The following PTPRG variants were observed in gnomAD, a reference collection of about 807,000 sequenced individuals.
PTPRG encodes receptor-type tyrosine-protein phosphatase gamma.
Under a neutral mutation model 165.3 loss-of-function variants are expected in PTPRG, and 102 were observed. The observed-to-expected ratio is 0.62, with a 90% confidence interval of 0.53 to 0.73. PTPRG has a LOEUF of 0.73. Ranked by LOEUF, PTPRG falls within the 30% of genes least tolerant of loss-of-function variation. PTPRG has a pLI of 0.00. For missense variants in PTPRG, 1,866 were observed against 1,861.4 expected, an observed-to-expected ratio of 1.00 and a Z score of -0.05; for synonymous variants, 675 against 669.5, an observed-to-expected ratio of 1.01 and a Z score of -0.13.
At chr3:62,189,221 G>A (rs1400080198) in intron 8 of PTPRG, among the ~76,000 whole-genome samples, 2 of 151,968 alleles carry the variant, frequency 1.3e-5, no homozygotes, top group African/African-American at 4.8e-5. Flanking sequence ...CGTTTCTGTC[G>A]CACTAAGTGA....
chr3:62,160,315 C>G (rs1704700582), intron 7 of PTPRG, among the ~76,000 whole-genome samples: 1 of 152,238 alleles, frequency 6.6e-6, no homozygotes, highest in African/African-American at 2.4e-5. Flanking sequence ...GTTGGGCATT[C>G]AAGTCAGCCC....
intron 4 of PTPRG, among the ~76,000 whole-genome samples, chr3:62,008,400 G>C (rs546159631): frequency 6.6e-6 from 1 of 152,316 alleles, no homozygotes; most frequent in Admixed American, 6.5e-5. Context: ...AAGCTTAAAT[G>C]ATCCAAATTG....
intron 1 of PTPRG, among the ~76,000 whole-genome samples, chr3:61,694,025 A>AAAAGAGAG (rs1553650991): frequency 1.1e-4 from 16 of 145,940 alleles, no homozygotes; most frequent in African/African-American, 4.1e-4. Flanking sequence ...AAAAAAAAAA[A>AAAAGAGAG]AGAGAGAGAG....
intron 1 of PTPRG, among the ~76,000 whole-genome samples, chr3:61,708,679 G>T (rs542982836): frequency 1.3e-5 from 2 of 151,618 alleles, no homozygotes; most frequent in Non-Finnish European, 2.9e-5. Context: ...GGATGGTCTC[G>T]ATCTCCTGAC....
At chr3:61,961,692 A>G (rs2040156511) in intron 2 of PTPRG, among the ~76,000 whole-genome samples, 1 of 152,230 alleles carries the variant, frequency 6.6e-6, no homozygotes, top group Non-Finnish European at 1.5e-5. Context: ...AGTCTCAACC[A>G]GACACTAGAA....
At chr3:61,888,783 G>T (rs1029271043) in intron 2 of PTPRG, among the ~76,000 whole-genome samples, 4 of 152,152 alleles carry the variant, frequency 2.6e-5, no homozygotes, top group Non-Finnish European at 5.9e-5. Flanking sequence ...TCCCAAGCCA[G>T]ATCATACATT....
chr3:61,579,983 TCA>T (rs1194081238), intron 1 of PTPRG, among the ~76,000 whole-genome samples: 2 of 152,054 alleles, frequency 1.3e-5, no homozygotes, highest in East Asian at 1.9e-4. Context: ...TTTTAAAAAA[TCA>T]CACATCAACC....
intron 2 of PTPRG, among the ~76,000 whole-genome samples, chr3:61,871,843 C>G (rs1380731943): frequency 6.6e-6 from 1 of 152,124 alleles, no homozygotes; most frequent in African/African-American, 2.4e-5. Context: ...ATCAGTTGCT[C>G]CCTCTCTCTT....
rs1702252312 is a variant in PTPRG at position 62,276,983 on chromosome 3, C to T, written c.3571C>T (p.Arg1191Ter). The change falls in exon 25 of 30, where the codon CGA becomes TGA. Residue 1191 changes from arginine to a stop codon, truncating the protein, a stop_gained. Transcript: ENST00000474889. LOFTEE classifies it high-confidence loss of function. ...TTTCCATATGATAGCTGAGCGTGCTCGAGTGGGTCTTGCACCATTGCCTGG... is the reference window on the plus strand; with the variant it reads ...TTTCCATATGATAGCTGAGCGTGCTTGAGTGGGTCTTGCACCATTGCCTGG... ...NSSVVPSERA[R>*]VGLAPLPGMK... is the part of the protein sequence containing the mutation. The T allele has an allele frequency of 1.2e-6, 2 of 1,612,822 alleles. No homozygotes were observed. Among genetic ancestry groups the T allele is most frequent in the Non-Finnish European group, 1.7e-6 (2 of 1,179,214 alleles).
At chr3:62,161,790 G>A (rs746245015) in intron 7 of PTPRG, among the ~76,000 whole-genome samples, 13 of 152,234 alleles carry the variant, frequency 8.5e-5, no homozygotes, top group South Asian at 2.1e-4. Flanking sequence ...GTAAAATTTC[G>A]GATGCTCCAG....
In PTPRG at chr3:61,712,971, G is replaced by A. The variant is rs971427671; in HGVS notation, c.86-35907G>A. ...CTTGATGTTCATGGAGGGGTAGGTT[G>A]TAGGCATGGTATTAGTAACATACCA... On this transcript the variant is annotated intron_variant, in intron 1 of 29. Transcript: ENST00000474889. Among the ~76,000 whole-genome samples the A allele has an allele frequency of 2.6e-5, 4 of 152,250 alleles. No individual in the cohort carries two copies. The South Asian group carries it at 8.3e-4, about 32-fold the overall frequency.
At chr3:62,226,818 C>A (rs1353746612) in intron 13 of PTPRG, among the ~76,000 whole-genome samples, 1 of 152,136 alleles carries the variant, frequency 6.6e-6, no homozygotes, top group Admixed American at 6.5e-5. Flanking sequence ...TCAGTCAACA[C>A]CAATTTAGCC....
At chr3:62,145,682 CCT>C (rs1158980066) in intron 6 of PTPRG, among the ~76,000 whole-genome samples, 1 of 152,282 alleles carries the variant, frequency 6.6e-6, no homozygotes, top group Admixed American at 6.5e-5. Context: ...CAACTGTTAA[CCT>C]CTGTCTGTGC....
intron 6 of PTPRG, among the ~76,000 whole-genome samples, chr3:62,139,262 C>T (rs1297625059): frequency 6.6e-6 from 1 of 151,964 alleles, no homozygotes; most frequent in Non-Finnish European, 1.5e-5. Flanking sequence ...GTCAGGAGTT[C>T]GAGACCAGCC....
At chr3:61,797,097 C>T (rs560190725) in intron 2 of PTPRG, among the ~76,000 whole-genome samples, 37 of 152,186 alleles carry the variant, frequency 2.4e-4, no homozygotes, top group Admixed American at 3.9e-4. Context: ...CAGAAATGTT[C>T]GTATTCTTCC....
chr3:61,731,555 G>A (rs373417650), intron 1 of PTPRG, among the ~76,000 whole-genome samples: 7 of 152,046 alleles, frequency 4.6e-5, no homozygotes, highest in African/African-American at 1.4e-4. Flanking sequence ...CACCATGTTG[G>A]CCAGAATGGT....
At chr3:61,645,510 C>T (rs1702175024) in intron 1 of PTPRG, among the ~76,000 whole-genome samples, 1 of 152,222 alleles carries the variant, frequency 6.6e-6, no homozygotes. Context: ...TTTGCCAACA[C>T]AGACAGAAGA....
At chr3:61,943,251 C>G (rs1000531013) in intron 2 of PTPRG, among the ~76,000 whole-genome samples, 1 of 152,128 alleles carries the variant, frequency 6.6e-6, no homozygotes, top group African/African-American at 2.4e-5. Flanking sequence ...GGAATTTTGC[C>G]ATATCAGTTG....
intron 2 of PTPRG, chr3:61,750,018 G>A (rs754237549): frequency 8.6e-5 from 13 of 152,014 alleles, no homozygotes; most frequent in Admixed American, 5.2e-4. Flanking sequence ...GCATCCTTTT[G>A]TCTATTGATA....
Sources: gnomAD v4.1 joint callset for allele counts (sites outside exome capture counted in the v4.1 genomes callset) on GRCh38, gnomAD v4.1.1 for gene constraint, MANE v1.5 for transcripts, NCBI Gene and HGNC (gene_info 2026-07-23, HGNC 2026-07-21) for gene names.